PAXBP1: variants seen among roughly 807,000 people sequenced by gnomAD.
PAXBP1 encodes the protein PAX3- and PAX7-binding protein 1.
Under a neutral mutation model 119.9 loss-of-function variants are expected in PAXBP1, and 44 were observed. That is an observed-to-expected ratio of 0.37 (90% CI 0.29 to 0.47). PAXBP1 has a LOEUF of 0.47. Among genes scored for constraint, PAXBP1 ranks in the 20% least tolerant of loss-of-function variants. The pLI, the probability that PAXBP1 is intolerant of heterozygous loss-of-function variation, is 0.99. For missense variants in PAXBP1, 898 were observed against 1,134.1 expected (o/e 0.79, Z 2.99); for synonymous variants, 393 against 406.6 (o/e 0.97, Z 0.40).
intron 2 of PAXBP1, among the ~76,000 whole-genome samples, chr21:32,769,553 T>C (rs867202918): frequency 1.3e-5 from 2 of 152,220 alleles, no homozygotes; most frequent in Non-Finnish European, 2.9e-5. Flanking sequence ...TCAACAGCAG[T>C]CTGCACACAA....
chr21:32,766,793 G>A (rs1437667473), intron 2 of PAXBP1, among the ~76,000 whole-genome samples: 2 of 152,204 alleles, frequency 1.3e-5, no homozygotes, highest in African/African-American at 4.8e-5. Flanking sequence ...GGGTCTGGCT[G>A]GTGGGCCACT....
At chr21:32,759,591 G>A (rs1000228634) in intron 6 of PAXBP1, 186 bp downstream of exon 6, 12 of 627,168 alleles carry the variant, frequency 1.9e-5, no homozygotes, top group African/African-American at 1.7e-4. Flanking sequence ...ATAATTTTTC[G>A]AGGCTTCCAC....
chr21:32,754,800 C>A (rs887924912), intron 8 of PAXBP1, among the ~76,000 whole-genome samples: 2 of 152,134 alleles, frequency 1.3e-5, no homozygotes, highest in Non-Finnish European at 2.9e-5. Flanking sequence ...CTTCCCTCCC[C>A]CTACCCACAA....
chr21:32,745,767 C>T (rs1053275949), intron 11 of PAXBP1, 49 bp from the exon 12 acceptor site: 1 of 1,601,076 alleles, frequency 6.2e-7, no homozygotes, highest in South Asian at 1.1e-5. Flanking sequence ...GTGGCTATTT[C>T]TGCTTCCAGC....
intron 7 of PAXBP1, among the ~76,000 whole-genome samples, chr21:32,758,512 T>C (rs181042523): frequency 4.2e-4 from 64 of 151,818 alleles, no homozygotes; most frequent in African/African-American, 1.5e-3. Flanking sequence ...GACTATCCTA[T>C]TGAAAAAAAC....
chr21:32,743,655 T>C (rs1277250148), intron 14 of PAXBP1, 23 bp downstream of exon 14: 3 of 1,483,714 alleles, frequency 2.0e-6, no homozygotes, highest in South Asian at 2.3e-5. Context: ...ATATTATCTT[T>C]AATGTTCTTC....
intron 2 of PAXBP1, among the ~76,000 whole-genome samples, chr21:32,767,723 A>G (rs1029217944): frequency 6.6e-6 from 1 of 151,546 alleles, no homozygotes; most frequent in East Asian, 1.9e-4. Context: ...AGTGCCTTTC[A>G]CCTCCTGCCA....
In PAXBP1 at chr21:32,745,575, T is replaced by G. The variant is rs1465103928; in HGVS notation, c.2067A>C (p.Thr689=). 1.2e-6 allele frequency: 2 copies of G among 1,613,972 alleles called. No homozygotes were observed. The highest frequency in any genetic ancestry group is 1.7e-6 in the Non-Finnish European group (2 of 1,179,862). Residue 689 remains threonine, a splice_region_variant and synonymous_variant, in exon 12 of 18, where the codon ACA becomes ACC. Coordinates refer to ENST00000331923, the MANE Select transcript of PAXBP1 (RefSeq NM_016631.4). The part of the protein sequence containing the change: ...IVEKVILPKL[T]VIAENMWDPF... ...CAATTCAGAGAACAGGAGATTTACC[T>G]GTTAGTTTAGGAAGAATCACCTTTT... is the stretch of plus-strand genomic sequence containing the variant.
At chr21:32,761,256 C>T (rs755881187) in intron 4 of PAXBP1, 94 bp from the exon 5 acceptor site, 29 of 887,660 alleles carry the variant, frequency 3.3e-5, no homozygotes, top group Middle Eastern at 4.5e-4. Context: ...CTGAGCAAAA[C>T]TATTAACTCA....
rs1014267855 is a variant in PAXBP1, at chr21:32,767,712, A to G, written c.472+2102T>C. 2.0e-5 allele frequency among the ~76,000 whole-genome samples: 3 copies of G among 152,134 alleles called. 1 individual carries two copies. The highest frequency in any genetic ancestry group is 4.2e-4 in the South Asian group (2 of 4,816). ...TTTTCTCTTGCTGCCGCCATGTAAA[A>G]AGTGCCTTTCACCTCCTGCCATGAT... On this transcript the variant is annotated intron_variant, in intron 2 of 17. Transcript: ENST00000331923.
At chr21:32,740,052 A>G (rs2043757823) in intron 15 of PAXBP1, among the ~76,000 whole-genome samples, 1 of 151,610 alleles carries the variant, frequency 6.6e-6, no homozygotes, top group South Asian at 2.1e-4. Context: ...AATTCAATGG[A>G]CTGTGAAAGG....
intron 12 of PAXBP1, among the ~76,000 whole-genome samples, 176 bp from the exon 13 acceptor site, chr21:32,745,089 G>A (rs572770271): frequency 6.6e-6 from 1 of 152,296 alleles, no homozygotes; most frequent in Admixed American, 6.5e-5. Context: ...GATGTGGAGA[G>A]AGGATAGATT....
At chr21:32,769,419 CT>C (rs2044297035) in intron 2 of PAXBP1, among the ~76,000 whole-genome samples, 2 of 152,096 alleles carry the variant, frequency 1.3e-5, no homozygotes, top group Non-Finnish European at 2.9e-5. Context: ...ATAAAATCCA[CT>C]GTGGAAATAC....
intron 17 of PAXBP1, among the ~76,000 whole-genome samples, chr21:32,736,476 C>T (rs1424581499): frequency 6.6e-6 from 1 of 152,126 alleles, no homozygotes; most frequent in Non-Finnish European, 1.5e-5. Context: ...CATGAGCCAC[C>T]ATGCCTGGCC....
rs2044200705 is a variant in PAXBP1 at position 32,764,257 on chromosome 21, A to G, written c.649+91T>C. The stretch of plus-strand genomic sequence containing the variant: ...CAGCAATGTCATAATAAGAAACACC[A>G]CTCAGCTAATTCCTTCTTAATAATC... On this transcript the variant is annotated intron_variant, in intron 3 of 17. Transcript: ENST00000331923. The G allele has an allele frequency of 3.3e-6, 4 of 1,228,438 alleles. No homozygotes were observed. The Admixed American group carries it at 7.5e-5, about 23-fold the overall frequency. The allele number at this position is 1,228,438 out of a possible 1,614,324, so 76.1% of individuals were successfully genotyped here.
At chr21:32,748,963 T>C (rs961105698) in intron 10 of PAXBP1, among the ~76,000 whole-genome samples, 16 of 152,308 alleles carry the variant, frequency 1.1e-4, no homozygotes, top group Non-Finnish European at 2.2e-4. Flanking sequence ...ATAAAACCTG[T>C]TCCCAAACAA....
chr21:32,747,965 T>TA (rs1569158316), intron 11 of PAXBP1, among the ~76,000 whole-genome samples: 2 of 151,008 alleles, frequency 1.3e-5, no homozygotes, highest in Non-Finnish European at 3.0e-5. Flanking sequence ...TTTTTTTTTT[T>TA]AAGTAGAGAC....
At position 32,759,851 on chromosome 21, in the gene PAXBP1, T is replaced by A; in HGVS notation, c.1119A>T (p.Thr373=). 1 of 1,614,080 alleles carries A rather than the reference T, an allele frequency of 6.2e-7. No homozygotes were observed. Among genetic ancestry groups the A allele is most frequent in the African/African-American group, 1.3e-5 (1 of 75,066 alleles). ...SDAKSQKTDN[T]VPFKTPSNEM... Reference sequence around the variant, plus strand: ...CATTACTGGGAGTTTTGAAAGGGACTGTATTATCTGTTTTTTGAGATTTGG... The same window carrying A: ...CATTACTGGGAGTTTTGAAAGGGACAGTATTATCTGTTTTTTGAGATTTGG... The change falls in exon 6 of 18, where the codon ACA becomes ACT. Residue 373 remains threonine, a synonymous_variant. Transcript: ENST00000331923.
intron 7 of PAXBP1, chr21:32,756,174 A>G (rs1050371648): frequency 2.4e-6 from 1 of 418,464 alleles, no homozygotes; most frequent in Non-Finnish European, 4.7e-6. Flanking sequence ...TTAAAACAGA[A>G]AACTTTCTTT....
Sources: gnomAD v4.1 joint callset for allele counts (sites outside exome capture counted in the v4.1 genomes callset) on GRCh38, gnomAD v4.1.1 for gene constraint, MANE v1.5 for transcripts, NCBI Gene and HGNC (gene_info 2026-07-23, HGNC 2026-07-21) for gene names.